The following AGO3 variants were observed in gnomAD, a reference collection of about 807,000 sequenced individuals.
The protein encoded by AGO3 is protein argonaute-3.
A neutral mutation model predicts 105.5 loss-of-function variants in AGO3; 16 were observed. The observed-to-expected ratio is 0.15, with a 90% CI of 0.10 to 0.23. The LOEUF (loss-of-function observed/expected upper bound fraction) is 0.23. Ranked by LOEUF, AGO3 falls within the 10% of genes least tolerant of loss-of-function variation. AGO3 has a pLI of 1.00. For synonymous variants in AGO3, 340 were observed against 367.3 expected (o/e 0.93, Z 0.85); for missense variants, 534 against 1,088.0 (o/e 0.49, Z 7.16).
Position 36,046,623 on chromosome 1 carries a change from TAAAAAAAA to T in AGO3, c.2274+3100_2274+3107del, listed in dbSNP as rs3073806. Among the ~76,000 whole-genome samples, 201 of 34,460 alleles carry T rather than the reference TAAAAAAAA, an allele frequency of 5.8e-3. 1 individual carries two copies. The highest frequency in any genetic ancestry group is 0.05 in the Middle Eastern group (1 of 20). The allele number at this position is 34,460 out of a possible 152,430, so 22.6% of individuals were successfully genotyped here. A position where few individuals can be genotyped will look rare whatever the true frequency, so the allele number is the denominator to read the frequency against. ...AACAGAGTGAGACTCAGTCTCTATT[TAAAAAAAA>T]AAAAAAAAAAAAAAAAAAAAAAAAG... is the stretch of plus-strand genomic sequence containing the variant. On this transcript the variant is annotated intron_variant, in intron 17 of 18. Coordinates refer to ENST00000373191, the MANE Select transcript of AGO3 (RefSeq NM_024852.4).
intron 8 of AGO3, 98 bp downstream of exon 8, chr1:36,009,142 GA>G: frequency 7.6e-7 from 1 of 1,316,030 alleles, no homozygotes. Context: ...ATTTATTTTG[GA>G]ATATGAACTG....
At chr1:35,995,622 A>C (rs1301507997) in intron 5 of AGO3, among the ~76,000 whole-genome samples, 1 of 152,212 alleles carries the variant, frequency 6.6e-6, no homozygotes, top group African/African-American at 2.4e-5. Context: ...TAAAACATTA[A>C]AACTGGTAAA....
intron 17 of AGO3, 108 bp downstream of exon 17, chr1:36,043,656 T>G (rs1642342868): frequency 2.2e-6 from 2 of 909,852 alleles, no homozygotes; most frequent in Non-Finnish European, 3.3e-6. Context: ...CATTCCAAAT[T>G]GTTTCCACAT....
intron 1 of AGO3, among the ~76,000 whole-genome samples, chr1:35,945,236 A>T (rs1646340893): frequency 6.6e-6 from 1 of 150,872 alleles, no homozygotes; most frequent in Non-Finnish European, 1.5e-5. Flanking sequence ...AAATAGAGAC[A>T]AGTTCTCTCT....
rs983556310 is a variant in AGO3, at chr1:36,056,538, A to G, written c.*793A>G. On this transcript the variant is annotated 3_prime_UTR_variant, in exon 19 of 19. Coordinates refer to ENST00000373191, the MANE Select transcript of AGO3 (RefSeq NM_024852.4). ...CAATTCTGAGTTCTCAACTCTTGAT[A>G]TTGCTGTCTTAAGAAACAAAATTTT... is the stretch of plus-strand genomic sequence containing the variant. 6 of 152,042 alleles carry G rather than the reference A, an allele frequency of 3.9e-5. No individual in the cohort carries two copies. The highest frequency in any genetic ancestry group is 1.3e-4 in the Admixed American group (2 of 15,234). The allele number at this position is 152,042 out of a possible 1,614,324, so 9.4% of individuals were successfully genotyped here. A position where few individuals can be genotyped will look rare whatever the true frequency, so the allele number is the denominator to read the frequency against.
intron 12 of AGO3, among the ~76,000 whole-genome samples, chr1:36,031,853 C>CT (rs986670706): frequency 9.1e-5 from 12 of 132,360 alleles, no homozygotes; most frequent in Middle Eastern, 4.2e-3. Context: ...AATTTTCTTC[C>CT]TTTTTTGGGC....
intron 5 of AGO3, 74 bp downstream of exon 5, chr1:35,973,585 T>C (rs1646905505): frequency 7.6e-7 from 1 of 1,312,984 alleles, no homozygotes; most frequent in African/African-American, 1.5e-5. Context: ...ATTTTATATA[T>C]AATTATACAT....
intron 17 of AGO3, among the ~76,000 whole-genome samples, chr1:36,054,737 C>T (rs1178094347): frequency 6.6e-6 from 1 of 152,064 alleles, no homozygotes; most frequent in African/African-American, 2.4e-5. Context: ...AAAAAATTAG[C>T]TGGGCATGAT....
At chr1:36,033,663 T>C (rs918852976) in intron 12 of AGO3, among the ~76,000 whole-genome samples, 9 of 150,588 alleles carry the variant, frequency 6.0e-5, no homozygotes, top group Non-Finnish European at 1.2e-4. Context: ...AAAAAAGTTA[T>C]ATACACCGAA....
intron 1 of AGO3, among the ~76,000 whole-genome samples, chr1:35,945,364 T>G (rs1039617429): frequency 3.3e-5 from 5 of 152,146 alleles, no homozygotes; most frequent in African/African-American, 9.7e-5. Context: ...TTTCTTCTAC[T>G]TTCTTTAACT....
chr1:35,931,480 C>A, intron 1 of AGO3, 35 bp downstream of exon 1: 2 of 1,452,832 alleles, frequency 1.4e-6, no homozygotes, highest in Non-Finnish European at 1.8e-6. Flanking sequence ...TAGGGGATGT[C>A]ACCCAGCTAC....
chr1:36,049,528 AAAG>A (rs1642614890), intron 17 of AGO3, among the ~76,000 whole-genome samples: 1 of 151,996 alleles, frequency 6.6e-6, no homozygotes, highest in South Asian at 2.1e-4. Context: ...AAAAAAAAAA[AAAG>A]AAAAGAAAAA....
intron 2 of AGO3, among the ~76,000 whole-genome samples, chr1:35,960,429 G>A (rs1646652081): frequency 6.6e-6 from 1 of 152,038 alleles, no homozygotes; most frequent in Non-Finnish European, 1.5e-5. Context: ...ACAGTGAACT[G>A]TGATCACATC....
At chr1:35,998,753 A>G (rs1007367589) in intron 5 of AGO3, among the ~76,000 whole-genome samples, 1 of 152,108 alleles carries the variant, frequency 6.6e-6, no homozygotes, top group Non-Finnish European at 1.5e-5. Flanking sequence ...CATATTGTGT[A>G]TATCCTCTAT....
At chr1:35,992,670 G>A (rs999041045) in intron 5 of AGO3, among the ~76,000 whole-genome samples, 1 of 152,140 alleles carries the variant, frequency 6.6e-6, no homozygotes, top group African/African-American at 2.4e-5. Context: ...ACCCATAAAG[G>A]AATCTGTGAC....
At chr1:36,032,174 A>C (rs980813040) in intron 12 of AGO3, among the ~76,000 whole-genome samples, 17 of 152,244 alleles carry the variant, frequency 1.1e-4, no homozygotes, top group African/African-American at 4.1e-4. Flanking sequence ...GCCCACCAAC[A>C]GCGCACAGGA....
intron 12 of AGO3, among the ~76,000 whole-genome samples, chr1:36,031,591 A>G (rs1641778113): frequency 6.6e-6 from 1 of 152,126 alleles, no homozygotes; most frequent in African/African-American, 2.4e-5. Context: ...CATTAAGAAC[A>G]TTCACATGTT....
chr1:35,969,533 A>T (rs1305331944), intron 3 of AGO3, among the ~76,000 whole-genome samples: 2 of 151,662 alleles, frequency 1.3e-5, no homozygotes, highest in African/African-American at 2.4e-5. Flanking sequence ...ATTTTCTTTT[A>T]CTCTATTTAT....
chr1:35,934,447 G>A (rs897368023), intron 1 of AGO3, among the ~76,000 whole-genome samples: 2 of 152,036 alleles, frequency 1.3e-5, no homozygotes, highest in African/African-American at 4.8e-5. Context: ...TTAGAGTTCT[G>A]TGTTTATTTA....
Sources: allele counts gnomAD v4.1 joint callset (sites outside exome capture counted in the v4.1 genomes callset), GRCh38; gene constraint gnomAD v4.1.1; transcripts MANE v1.5; gene names NCBI Gene and HGNC (gene_info 2026-07-23, HGNC 2026-07-21).